Variants in DLGAP2 observed in about 807,000 individuals in gnomAD.
The protein encoded by DLGAP2 is DLG associated protein 2.
DLGAP2 carries 26 observed loss-of-function variants against 100.3 expected under a neutral mutation model. The observed-to-expected ratio is 0.26, with a 90% CI of 0.19 to 0.36. The LOEUF (loss-of-function observed/expected upper bound fraction) is 0.36. Ranked by LOEUF, DLGAP2 falls within the 10% of genes least tolerant of loss-of-function variation. The pLI is 1.00. For missense variants in DLGAP2, 1,858 were observed against 1,453.2 expected (o/e 1.28, Z -4.53); for synonymous variants, 886 against 630.1 (o/e 1.41, Z -6.08).
chr8:1,341,065 C>T (rs920928612), intron 3 of DLGAP2, among the ~76,000 whole-genome samples: 2 of 151,996 alleles, frequency 1.3e-5, no homozygotes, highest in African/African-American at 2.4e-5. Flanking sequence ...GGGAACAACA[C>T]ACACTGGGAC....
chr8:1,255,369 CTCA>C (rs201565728), intron 2 of DLGAP2, among the ~76,000 whole-genome samples: 2 of 116,148 alleles, frequency 1.7e-5, no homozygotes, highest in South Asian at 3.4e-4. Flanking sequence ...TGTGTGCCCT[CTCA>C]TCCTGCCCGG....
In DLGAP2 at chr8:1,474,040, C is replaced by A. The variant is rs184703969; in HGVS notation, c.107-27326C>A. 3.9e-5 allele frequency among the ~76,000 whole-genome samples: 6 copies of A among 152,184 alleles called. No homozygotes were observed. The South Asian group carries it at 8.3e-4, about 21-fold the overall frequency. On this transcript the variant is annotated intron_variant, in intron 3 of 14. Transcript: ENST00000637795. ...AATGTGTAGTCTTTTATCCTTCACC[C>A]CTTCCCCCCGAGTCCCCAAAGTCCA... is the stretch of plus-strand genomic sequence containing the variant.
At chr8:1,232,289 C>G (rs1160103854) in intron 2 of DLGAP2, among the ~76,000 whole-genome samples, 7 of 152,206 alleles carry the variant, frequency 4.6e-5, no homozygotes. Context: ...CCCGGCTTGG[C>G]TTTGCTGTTT....
At chr8:1,185,991 C>A (rs1797495618) in intron 2 of DLGAP2, among the ~76,000 whole-genome samples, 2 of 152,158 alleles carry the variant, frequency 1.3e-5, no homozygotes, top group African/African-American at 4.8e-5. Flanking sequence ...ATTAACCAGG[C>A]CAGCTTCCTT....
chr8:1,056,498 C>A (rs765795928), intron 2 of DLGAP2, among the ~76,000 whole-genome samples: 1 of 152,126 alleles, frequency 6.6e-6, no homozygotes, highest in African/African-American at 2.4e-5. Flanking sequence ...TCTTTAGTCT[C>A]TTGTTTGCTG....
chr8:1,422,531 A>C (rs1797122309), intron 3 of DLGAP2, among the ~76,000 whole-genome samples: 1 of 151,284 alleles, frequency 6.6e-6, no homozygotes, highest in South Asian at 2.1e-4. Flanking sequence ...TGAAGGCAGA[A>C]GAGTGTTTGG....
intron 4 of DLGAP2, among the ~76,000 whole-genome samples, chr8:1,530,227 C>T (rs974658234): frequency 2.6e-5 from 4 of 152,108 alleles, no homozygotes; most frequent in East Asian, 1.9e-4. Flanking sequence ...ACAGGTGCAC[C>T]TGGGGGGGCT....
intron 3 of DLGAP2, among the ~76,000 whole-genome samples, chr8:1,352,244 A>C (rs1278308625): frequency 8.1e-6 from 1 of 123,516 alleles, no homozygotes; most frequent in Non-Finnish European, 1.7e-5. Context: ...GTGTTTGGAA[A>C]GGCCGTGTGG....
At chr8:1,316,715 A>T (rs1338345855) in intron 3 of DLGAP2, among the ~76,000 whole-genome samples, 3 of 133,874 alleles carry the variant, frequency 2.2e-5, no homozygotes, top group Non-Finnish European at 4.6e-5. Flanking sequence ...TCTATCCCAT[A>T]GTGGTCTACA....
At chr8:1,483,918 T>C (rs1019700985) in intron 3 of DLGAP2, among the ~76,000 whole-genome samples, 1 of 152,246 alleles carries the variant, frequency 6.6e-6, no homozygotes, top group Non-Finnish European at 1.5e-5. Context: ...GTAATGAGAA[T>C]GAAACTCCTT....
chr8:787,650 C>A (rs371085585), intron 1 of DLGAP2, among the ~76,000 whole-genome samples: 3 of 152,204 alleles, frequency 2.0e-5, no homozygotes, highest in East Asian at 1.9e-4. Flanking sequence ...CCTCTTCCCC[C>A]CTTGGCCTTG....
chr8:1,602,399 G>A (rs1310674292), intron 6 of DLGAP2, among the ~76,000 whole-genome samples: 1 of 152,198 alleles, frequency 6.6e-6, no homozygotes, highest in Non-Finnish European at 1.5e-5. Context: ...CTGCTTCAAA[G>A]TTGGGCATTA....
chr8:1,343,716 G>C (rs1471245107), intron 3 of DLGAP2, among the ~76,000 whole-genome samples: 1 of 151,736 alleles, frequency 6.6e-6, no homozygotes, highest in Non-Finnish European at 1.5e-5. Flanking sequence ...GTCGTGGGGG[G>C]TGTTAGAGGC....
chr8:1,347,813 C>G (rs1307941827), intron 3 of DLGAP2, among the ~76,000 whole-genome samples: 1 of 151,736 alleles, frequency 6.6e-6, no homozygotes, highest in Non-Finnish European at 1.5e-5. Flanking sequence ...TACAGAGCTA[C>G]ATTGCACTCA....
At chr8:1,093,074 G>A (rs1422031367) in intron 2 of DLGAP2, among the ~76,000 whole-genome samples, 2 of 152,070 alleles carry the variant, frequency 1.3e-5, no homozygotes, top group African/African-American at 4.8e-5. Flanking sequence ...GCTGAAAACC[G>A]AGGCCGAGCT....
At chr8:1,152,636 G>A (rs961587457) in intron 2 of DLGAP2, among the ~76,000 whole-genome samples, 2 of 152,200 alleles carry the variant, frequency 1.3e-5, no homozygotes, top group East Asian at 3.8e-4. Context: ...AACTCCCAGG[G>A]GTGCCTGCAG....
intron 3 of DLGAP2, among the ~76,000 whole-genome samples, chr8:1,458,920 C>G (rs1563161915): frequency 6.6e-6 from 1 of 152,234 alleles, no homozygotes; most frequent in South Asian, 2.1e-4. Context: ...ATCTTTCCCA[C>G]CAATGTGCAA....
intron 3 of DLGAP2, among the ~76,000 whole-genome samples, chr8:1,363,759 C>T (rs956201913): frequency 6.6e-6 from 1 of 152,234 alleles, no homozygotes; most frequent in Admixed American, 6.5e-5. Flanking sequence ...TGAGATGCAT[C>T]CTTGCTGTGT....
rs752823955 is a variant in DLGAP2 at position 1,691,486 on chromosome 8, C to G, written c.2705-49C>G. The G allele has an allele frequency of 5.3e-6, 8 of 1,511,294 alleles. No individual in the cohort carries two copies. The Admixed American group carries it at 1.5e-4, about 28-fold the overall frequency. The allele number at this position is 1,511,294 out of a possible 1,614,324, so 93.6% of individuals were successfully genotyped here. A position where few individuals can be genotyped will look rare whatever the true frequency, so the allele number is the denominator to read the frequency against. ...GATGTTTCTGCTTTTGTGTAATTGA[C>G]CCAGTTTTGAAGTTGTTGTTTTTTT... is the stretch of plus-strand genomic sequence containing the variant. On this transcript the variant is annotated intron_variant, in intron 12 of 14. Transcript: ENST00000637795.
Sources: allele counts gnomAD v4.1 joint callset (sites outside exome capture counted in the v4.1 genomes callset), GRCh38; gene constraint gnomAD v4.1.1; transcripts MANE v1.5; gene names NCBI Gene and HGNC (gene_info 2026-07-23, HGNC 2026-07-21).